Variants in CNTNAP4 observed in about 807,000 individuals in gnomAD.
CNTNAP4 encodes contactin associated protein family member 4.
Under a neutral mutation model 148.4 loss-of-function variants are expected in CNTNAP4, and 98 were observed. The ratio of observed to expected loss-of-function variants is 0.66; its 90% CI spans 0.56 to 0.78. The LOEUF (loss-of-function observed/expected upper bound fraction) is 0.78. CNTNAP4 is among the 30% of genes least tolerant of loss of function. The probability of loss-of-function intolerance (pLI) is 0.00; values close to 1 mark genes in which losing one functional copy is unlikely to be tolerated. For missense variants in CNTNAP4, 1,935 were observed against 1,565.6 expected, an observed-to-expected ratio of 1.24 and a Z score of -3.98; for synonymous variants, 730 against 565.1, an observed-to-expected ratio of 1.29 and a Z score of -4.14.
At chr16:76,371,867 G>GT (rs998207260) in intron 3 of CNTNAP4, among the ~76,000 whole-genome samples, 31 of 152,182 alleles carry the variant, frequency 2.0e-4, no homozygotes, top group Non-Finnish European at 1.5e-5. Context: ...ACAAGCTTTA[G>GT]TTCATCCCTT....
chr16:76,349,202 T>C (rs960602358), intron 2 of CNTNAP4, among the ~76,000 whole-genome samples: 1 of 152,106 alleles, frequency 6.6e-6, no homozygotes, highest in African/African-American at 2.4e-5. Context: ...TCCACAACAA[T>C]ACCTCCTACA....
chr16:76,510,223 T>A (rs1597780835), intron 15 of CNTNAP4, among the ~76,000 whole-genome samples: 1 of 152,148 alleles, frequency 6.6e-6, no homozygotes, highest in Non-Finnish European at 1.5e-5. Flanking sequence ...TTCTGAATAT[T>A]TCATATAGAT....
At chr16:76,420,276 G>GA (rs2079140316) in intron 3 of CNTNAP4, among the ~76,000 whole-genome samples, 2 of 73,002 alleles carry the variant, frequency 2.7e-5, no homozygotes, top group Admixed American at 1.6e-4. Context: ...TTCTATAGGA[G>GA]ATAAATATTA....
intron 11 of CNTNAP4, among the ~76,000 whole-genome samples, chr16:76,479,001 A>G (rs1281816206): frequency 6.6e-6 from 1 of 152,126 alleles, no homozygotes; most frequent in African/African-American, 2.4e-5. Context: ...TAAGGAAGTT[A>G]CACTGTTGTG....
chr16:76,296,049 A>G (rs568381268), intron 1 of CNTNAP4, among the ~76,000 whole-genome samples: 1 of 152,274 alleles, frequency 6.6e-6, no homozygotes, highest in Admixed American at 6.5e-5. Flanking sequence ...CTTCTCTACA[A>G]AGGATCGTAT....
At chr16:76,536,380 G>C (rs1394325265) in intron 18 of CNTNAP4, among the ~76,000 whole-genome samples, 1 of 151,974 alleles carries the variant, frequency 6.6e-6, no homozygotes, top group Non-Finnish European at 1.5e-5. Flanking sequence ...ATTTTTAGTA[G>C]AGATAGTGTT....
At chr16:76,540,240 G>A (rs114638272) in intron 20 of CNTNAP4, among the ~76,000 whole-genome samples, 16 of 151,980 alleles carry the variant, frequency 1.1e-4, no homozygotes, top group African/African-American at 3.9e-4. Flanking sequence ...AAAGAAAATG[G>A]AATTATTCAT....
At chr16:76,530,227 G>GT (rs1234189346) in intron 17 of CNTNAP4, among the ~76,000 whole-genome samples, 1 of 151,676 alleles carries the variant, frequency 6.6e-6, no homozygotes, top group Non-Finnish European at 1.5e-5. Flanking sequence ...TTTAATTTCG[G>GT]TTTTTTATAT....
intron 3 of CNTNAP4, among the ~76,000 whole-genome samples, chr16:76,404,615 C>G (rs1176688173): frequency 1.3e-5 from 2 of 152,064 alleles, no homozygotes; most frequent in African/African-American, 2.4e-5. Context: ...ATAAATTGCT[C>G]TTAAGTTTCT....
At chr16:76,410,242 A>G (rs1483486670) in intron 3 of CNTNAP4, among the ~76,000 whole-genome samples, 2 of 151,824 alleles carry the variant, frequency 1.3e-5, no homozygotes, top group Non-Finnish European at 2.9e-5. Context: ...TGATGTTTGA[A>G]AAAAATGTTG....
At chr16:76,555,114 G>A (rs2085139296) in intron 23 of CNTNAP4, among the ~76,000 whole-genome samples, 1 of 151,658 alleles carries the variant, frequency 6.6e-6, no homozygotes, top group Non-Finnish European at 1.5e-5. Flanking sequence ...TTTCAATTTG[G>A]GCAATTTATG....
chr16:76,459,062 G>C (rs936380218), intron 8 of CNTNAP4, among the ~76,000 whole-genome samples: 1 of 152,106 alleles, frequency 6.6e-6, no homozygotes, highest in African/African-American at 2.4e-5. Context: ...AGTTTGAGAA[G>C]AACTGTTGGA....
At chr16:76,467,033 A>G (rs1332849300) in intron 9 of CNTNAP4, among the ~76,000 whole-genome samples, 1 of 152,154 alleles carries the variant, frequency 6.6e-6, no homozygotes, top group Non-Finnish European at 1.5e-5. Context: ...TGTAAGTTAT[A>G]TATAGTTTAA....
chr16:76,317,595 C>A (rs1042440997), intron 2 of CNTNAP4, among the ~76,000 whole-genome samples: 1 of 152,154 alleles, frequency 6.6e-6, no homozygotes, highest in African/African-American at 2.4e-5. Flanking sequence ...CATTTATTAT[C>A]CTCCTCTCGT....
chr16:76,493,094 A>G (rs1356564371), intron 13 of CNTNAP4, among the ~76,000 whole-genome samples: 3 of 152,166 alleles, frequency 2.0e-5, no homozygotes, highest in Non-Finnish European at 2.9e-5. Flanking sequence ...TGGTGACCTC[A>G]TGATTCGTGT....
At chr16:76,501,514 C>A (rs2082641877) in intron 15 of CNTNAP4, among the ~76,000 whole-genome samples, 1 of 152,210 alleles carries the variant, frequency 6.6e-6, no homozygotes, top group Non-Finnish European at 1.5e-5. Context: ...AGCAGTGATT[C>A]TCCATCCAAG....
At chr16:76,339,356 T>C (rs1212757380) in intron 2 of CNTNAP4, among the ~76,000 whole-genome samples, 2 of 152,298 alleles carry the variant, frequency 1.3e-5, no homozygotes, top group South Asian at 2.1e-4. Flanking sequence ...CGATAGGTTA[T>C]ACATAGTGTT....
chr16:76,381,555 C>G (rs1344253498), intron 3 of CNTNAP4, among the ~76,000 whole-genome samples: 2 of 152,128 alleles, frequency 1.3e-5, no homozygotes, highest in Non-Finnish European at 2.9e-5. Context: ...TCAATTTCAT[C>G]TAGATAACCC....
chr16:76,370,187 A>G (rs971844553), intron 3 of CNTNAP4, among the ~76,000 whole-genome samples: 1 of 151,460 alleles, frequency 6.6e-6, no homozygotes, highest in African/African-American at 2.5e-5. Context: ...ACAAAGCATC[A>G]CAACAGATTA....
Sources: allele counts gnomAD v4.1 joint callset (sites outside exome capture counted in the v4.1 genomes callset), GRCh38; gene constraint gnomAD v4.1.1; transcripts MANE v1.5; gene names NCBI Gene and HGNC (gene_info 2026-07-23, HGNC 2026-07-21).